The following TRPM3 variants were observed in gnomAD, a reference collection of about 807,000 sequenced individuals.
The protein encoded by TRPM3 is transient receptor potential cation channel subfamily M member 3.
TRPM3 carries 77 observed loss-of-function variants against 181.2 expected under a neutral mutation model. That is an observed-to-expected ratio of 0.42 (90% CI 0.35 to 0.51). The LOEUF (loss-of-function observed/expected upper bound fraction) is 0.51, where lower values mean the gene tolerates loss of function less well. Ranked by LOEUF, TRPM3 falls within the 20% of genes least tolerant of loss-of-function variation. The pLI is 0.01. For missense variants in TRPM3, 1,759 were observed against 2,196.7 expected (o/e 0.80, Z 3.98); for synonymous variants, 745 against 796.4 (o/e 0.94, Z 1.09).
chr9:71,176,182 C>G (rs561042416), intron 1 of TRPM3, among the ~76,000 whole-genome samples: 1 of 152,244 alleles, frequency 6.6e-6, no homozygotes, highest in East Asian at 1.9e-4. Context: ...TAAACAGCCT[C>G]AGGCAGGTCC....
intron 1 of TRPM3, among the ~76,000 whole-genome samples, chr9:71,418,798 GATACTATATAT>G (rs2093677986): frequency 1.3e-5 from 1 of 78,718 alleles, no homozygotes; most frequent in South Asian, 5.8e-4. Context: ...CATCCTTTGA[GATACTATATAT>G]ATACTATATA....
intron 20 of TRPM3, 95 bp downstream of exon 20, chr9:70,603,247 T>C: frequency 6.9e-7 from 1 of 1,455,462 alleles, no homozygotes; most frequent in Non-Finnish European, 9.3e-7. Context: ...GTTTCCGGCT[T>C]AATTTGCATC....
intron 1 of TRPM3, among the ~76,000 whole-genome samples, chr9:71,081,963 T>C (rs1316020345): frequency 2.0e-5 from 3 of 152,194 alleles, no homozygotes; most frequent in African/African-American, 7.2e-5. Flanking sequence ...TCTTTTATTT[T>C]ATTTTTTTAC....
chr9:71,349,493 TA>T (rs1457173939), intron 1 of TRPM3, among the ~76,000 whole-genome samples: 1 of 152,222 alleles, frequency 6.6e-6, no homozygotes, highest in Non-Finnish European at 1.5e-5. Context: ...GACTTCAGCA[TA>T]ACGTTCAGTA....
chr9:70,677,137 G>A (rs1563954667), intron 9 of TRPM3, among the ~76,000 whole-genome samples: 1 of 152,096 alleles, frequency 6.6e-6, no homozygotes, highest in Non-Finnish European at 1.5e-5. Context: ...GGTGGAAGCA[G>A]CTTTCCATAA....
chr9:70,699,835 T>C (rs1395779023), intron 8 of TRPM3, among the ~76,000 whole-genome samples: 1 of 152,106 alleles, frequency 6.6e-6, no homozygotes, highest in Non-Finnish European at 1.5e-5. Flanking sequence ...GTGGTTGTGA[T>C]GCAGGGGCAA....
intron 1 of TRPM3, among the ~76,000 whole-genome samples, chr9:71,387,260 ACG>A (rs1491108859): frequency 6.6e-6 from 1 of 152,176 alleles, no homozygotes; most frequent in African/African-American, 2.4e-5. Flanking sequence ...AGACCAAAGA[ACG>A]CCAAAGAATT....
At chr9:71,179,952 T>C (rs2082794586) in intron 1 of TRPM3, among the ~76,000 whole-genome samples, 1 of 152,016 alleles carries the variant, frequency 6.6e-6, no homozygotes, top group Admixed American at 6.6e-5. Context: ...TGGAGGAAAC[T>C]GCTTAGTTGA....
At chr9:71,252,847 C>CTCTTTTT (rs1554854926) in intron 1 of TRPM3, among the ~76,000 whole-genome samples, 14,470 of 84,878 alleles carry the variant, frequency 0.17, 1,926 homozygotes, top group African/African-American at 0.29. Flanking sequence ...AATTTTGTCT[C>CTCTTTTT]TTTTTTTTTT....
At chr9:70,917,293 G>A in intron 1 of TRPM3, 1 of 1,384,746 alleles carries the variant, frequency 7.2e-7, no homozygotes, top group South Asian at 1.2e-5. Context: ...GGAAGCGAAA[G>A]TGGTATATTA....
At chr9:70,537,946 G>A (rs960506477) in intron 25 of TRPM3, among the ~76,000 whole-genome samples, 33 of 152,000 alleles carry the variant, frequency 2.2e-4, no homozygotes, top group Non-Finnish European at 4.9e-4. Context: ...CATGGATGGG[G>A]GTTATTTTTA....
At chr9:71,362,305 A>G (rs950398351) in intron 1 of TRPM3, among the ~76,000 whole-genome samples, 4 of 152,234 alleles carry the variant, frequency 2.6e-5, no homozygotes, top group Non-Finnish European at 5.9e-5. Flanking sequence ...TATAGCCGTT[A>G]ACTGTCAGCC....
chr9:70,625,030 A>G lies in TRPM3; in HGVS notation c.1809+161T>C, dbSNP rs2064284935. 6.6e-6 allele frequency among the ~76,000 whole-genome samples: 1 copy of G among 152,238 alleles called. No homozygotes were observed. Reference sequence around the variant, plus strand: ...ACTGCTGAGTTTAATAATCTCAATGATAAGATTAATTTGAATTTCATTACT... The same window carrying G: ...ACTGCTGAGTTTAATAATCTCAATGGTAAGATTAATTTGAATTTCATTACT... On this transcript the variant is annotated intron_variant, in intron 14 of 25. Transcript: ENST00000677713. This position sits in a 1 kb window ranked among gnomAD's most constrained non-coding sequence, Gnocchi z 4.8.
intron 1 of TRPM3, among the ~76,000 whole-genome samples, chr9:71,340,639 T>A (rs1588571836): frequency 6.6e-6 from 1 of 152,126 alleles, no homozygotes; most frequent in East Asian, 1.9e-4. Flanking sequence ...CCTCTTTCTT[T>A]TAGAAATTGC....
At chr9:71,444,883 T>C (rs2094183138) in intron 1 of TRPM3, among the ~76,000 whole-genome samples, 1 of 152,244 alleles carries the variant, frequency 6.6e-6, no homozygotes, top group South Asian at 2.1e-4. Context: ...ATTAGGGTTT[T>C]AGAAGAAAAT....
At chr9:70,993,561 C>A (rs1356450828) in intron 1 of TRPM3, among the ~76,000 whole-genome samples, 1 of 151,852 alleles carries the variant, frequency 6.6e-6, no homozygotes, top group Non-Finnish European at 1.5e-5. Flanking sequence ...GTTTAAAATA[C>A]CGATTAGCCA....
chr9:71,351,871 TTTTTG>T (rs1438225140), intron 1 of TRPM3, among the ~76,000 whole-genome samples: 6 of 76,292 alleles, frequency 7.9e-5, no homozygotes, highest in East Asian at 6.9e-4. Context: ...TGTTTGTTTG[TTTTTG>T]TTTTTTTTTT....
intron 1 of TRPM3, among the ~76,000 whole-genome samples, chr9:71,265,929 A>G (rs973914551): frequency 2.0e-5 from 3 of 152,228 alleles, no homozygotes; most frequent in South Asian, 2.1e-4. Flanking sequence ...ATGACATCAC[A>G]TTCTGATATC....
intron 1 of TRPM3, among the ~76,000 whole-genome samples, chr9:71,068,740 C>A (rs908024611): frequency 1.3e-5 from 2 of 152,134 alleles, no homozygotes; most frequent in African/African-American, 4.8e-5. Context: ...GAATGTGGAG[C>A]CTAGGAATCT....
Sources: allele counts gnomAD v4.1 joint callset (sites outside exome capture counted in the v4.1 genomes callset), GRCh38; gene constraint gnomAD v4.1.1; non-coding constraint Gnocchi (gnomAD v3.1); transcripts MANE v1.5; gene names NCBI Gene and HGNC (gene_info 2026-07-23, HGNC 2026-07-21).